The following FGF14 variants were observed in gnomAD, a reference collection of about 807,000 sequenced individuals.
The protein encoded by FGF14 is fibroblast growth factor homologous factor 4.
In FGF14, 5 loss-of-function variants were observed where a neutral mutation model predicts 25.5. That is an observed-to-expected ratio of 0.20 (90% CI 0.10 to 0.41). The LOEUF (loss-of-function observed/expected upper bound fraction) is 0.41, where lower values mean the gene tolerates loss of function less well. Ranked by LOEUF, FGF14 falls within the 10% of genes least tolerant of loss-of-function variation. The pLI, the probability that FGF14 is intolerant of heterozygous loss-of-function variation, is 1.00. For missense variants in FGF14, 222 were observed against 320.1 expected (o/e 0.69, Z 2.34); for synonymous variants, 138 against 118.3 (o/e 1.17, Z -1.08).
At chr13:102,297,499 T>C (rs188562309) in intron 1 of FGF14, among the ~76,000 whole-genome samples, 1 of 152,242 alleles carries the variant, frequency 6.6e-6, no homozygotes, top group East Asian at 1.9e-4. Context: ...TAAGAGGCTA[T>C]GTAAGAGGAA....
chr13:102,189,278 TG>T (rs2049032026), intron 1 of FGF14, among the ~76,000 whole-genome samples: 1 of 152,158 alleles, frequency 6.6e-6, no homozygotes, highest in South Asian at 2.1e-4. Context: ...AGGGTTTAAT[TG>T]GTAGATAGTA....
At chr13:102,330,295 C>T (rs1482780463) in intron 1 of FGF14, among the ~76,000 whole-genome samples, 4 of 152,142 alleles carry the variant, frequency 2.6e-5, no homozygotes, top group Non-Finnish European at 5.9e-5. Flanking sequence ...TGCTCCTATC[C>T]GCTGCCTTCC....
At chr13:102,104,048 G>A (rs1470554925) in intron 1 of FGF14, among the ~76,000 whole-genome samples, 7 of 152,044 alleles carry the variant, frequency 4.6e-5, no homozygotes, top group South Asian at 4.1e-4. Flanking sequence ...AAAGGATATC[G>A]AGCAGGCGTG....
intron 4 of FGF14, among the ~76,000 whole-genome samples, chr13:101,724,431 C>G (rs8002156): frequency 0.78 from 113,339 of 146,088 alleles, 44,100 homozygotes; most frequent in East Asian, 0.96. Context: ...ATCACACACA[C>G]GGGCCTGTTG....
chr13:101,855,571 G>T (rs2140384874), intron 3 of FGF14, among the ~76,000 whole-genome samples: 1 of 151,944 alleles, frequency 6.6e-6, no homozygotes, highest in Non-Finnish European at 1.5e-5. Context: ...CCTGCTATGT[G>T]CCATATTCAA....
intron 3 of FGF14, among the ~76,000 whole-genome samples, chr13:101,736,779 T>G (rs1389864840): frequency 6.6e-6 from 1 of 151,940 alleles, no homozygotes; most frequent in Non-Finnish European, 1.5e-5. Context: ...TGCAGGTGAA[T>G]ATCTTGATGA....
intron 1 of FGF14, among the ~76,000 whole-genome samples, chr13:101,945,822 T>G (rs963757474): frequency 1.3e-5 from 2 of 152,174 alleles, no homozygotes; most frequent in Admixed American, 1.3e-4. Context: ...ATGCAGTGTT[T>G]AACGCCCACG....
intron 1 of FGF14, among the ~76,000 whole-genome samples, chr13:102,172,107 G>A (rs931141198): frequency 6.6e-6 from 1 of 151,758 alleles, no homozygotes; most frequent in African/African-American, 2.4e-5. Flanking sequence ...TGGGATTACA[G>A]ATATGACCCC....
At chr13:102,196,655 A>G (rs1344531847) in intron 1 of FGF14, among the ~76,000 whole-genome samples, 2 of 152,240 alleles carry the variant, frequency 1.3e-5, no homozygotes, top group Non-Finnish European at 2.9e-5. Flanking sequence ...TAATTAACAA[A>G]TTCATCACCT....
intron 1 of FGF14, among the ~76,000 whole-genome samples, chr13:102,092,565 A>G (rs567001991): frequency 7.2e-5 from 11 of 152,218 alleles, no homozygotes; most frequent in Non-Finnish European, 1.6e-4. Context: ...AGTCTAAGTT[A>G]TAATGAAGAT....
intron 1 of FGF14, among the ~76,000 whole-genome samples, chr13:101,893,027 A>T (rs1185929669): frequency 6.6e-6 from 1 of 152,174 alleles, no homozygotes; most frequent in Non-Finnish European, 1.5e-5. Context: ...GTTGGGTATG[A>T]TGCATGCAGT....
chr13:101,769,574 A>G (rs2038627098), intron 3 of FGF14, among the ~76,000 whole-genome samples: 2 of 152,174 alleles, frequency 1.3e-5, no homozygotes, highest in Admixed American at 1.3e-4. Context: ...TCAGTAGGCA[A>G]ATGGATAGGT....
intron 3 of FGF14, among the ~76,000 whole-genome samples, chr13:101,772,878 C>T (rs2038866131): frequency 6.6e-6 from 1 of 152,112 alleles, no homozygotes; most frequent in Non-Finnish European, 1.5e-5. Context: ...TCACCGAAGA[C>T]TCCAAATTAT....
chr13:102,387,249 A>G (rs898686079), intron 1 of FGF14, among the ~76,000 whole-genome samples: 1 of 152,220 alleles, frequency 6.6e-6, no homozygotes, highest in African/African-American at 2.4e-5. Context: ...ATTCTTAAGC[A>G]TTCAAACATC....
chr13:102,199,029 A>G (rs1297718245), intron 1 of FGF14, among the ~76,000 whole-genome samples: 1 of 152,246 alleles, frequency 6.6e-6, no homozygotes, highest in Non-Finnish European at 1.5e-5. Flanking sequence ...AACTGGCTTA[A>G]GCTGATATAA....
chr13:101,871,760 A>C (rs1229673099), intron 2 of FGF14, among the ~76,000 whole-genome samples: 2 of 152,080 alleles, frequency 1.3e-5, no homozygotes, highest in Non-Finnish European at 2.9e-5. Flanking sequence ...GAAGAACTTT[A>C]AATGAGAGTG....
chr13:102,345,919 A>T (rs2057092522), intron 1 of FGF14, among the ~76,000 whole-genome samples: 1 of 152,204 alleles, frequency 6.6e-6, no homozygotes, highest in African/African-American at 2.4e-5. Flanking sequence ...ATCAAAGTGT[A>T]CTGGTTATTA....
rs546126661 is a variant in FGF14, at chr13:102,325,045, A to T, written c.208+76426T>A. On this transcript the variant is annotated intron_variant, in intron 1 of 4. Coordinates refer to the FGF14 transcript ENST00000376131. The stretch of plus-strand genomic sequence containing the variant: ...CACAGCACCATCAAAAGATTTTTTT[A>T]AAAAAAGAGGAAAAGATCCTTGCAA... Among the ~76,000 whole-genome samples the T allele has an allele frequency of 7.2e-4, 110 of 152,204 alleles. 1 individual carries two copies. The South Asian group carries it at 0.012, about 17-fold the overall frequency.
chr13:102,314,384 A>G (rs1015341719), intron 1 of FGF14, among the ~76,000 whole-genome samples: 6 of 152,186 alleles, frequency 3.9e-5, no homozygotes, highest in Non-Finnish European at 5.9e-5. Flanking sequence ...TTCCTTCTGA[A>G]TATGTCCTCA....
Sources: allele counts gnomAD v4.1 joint callset (sites outside exome capture counted in the v4.1 genomes callset), GRCh38; gene constraint gnomAD v4.1.1; transcripts MANE v1.5; gene names NCBI Gene and HGNC (gene_info 2026-07-23, HGNC 2026-07-21).